CWC27: variants seen among roughly 807,000 people sequenced by gnomAD.
CWC27 encodes the protein CWC27 spliceosome associated cyclophilin, also known as spliceosome-associated protein CWC27 homolog.
Under a neutral mutation model 63.6 loss-of-function variants are expected in CWC27, and 47 were observed. The ratio of observed to expected loss-of-function variants is 0.74; its 90% CI spans 0.58 to 0.94. The LOEUF (loss-of-function observed/expected upper bound fraction) is 0.94, where lower values mean the gene tolerates loss of function less well. Ranked by LOEUF, CWC27 falls within the 40% of genes least tolerant of loss-of-function variation. The pLI is 0.00. For synonymous variants in CWC27, 175 were observed against 179.8 expected (o/e 0.97, Z 0.22); for missense variants, 495 against 554.3 (o/e 0.89, Z 1.07).
chr5:64,791,882 C>T (rs183000484), intron 7 of CWC27, among the ~76,000 whole-genome samples: 12 of 152,154 alleles, frequency 7.9e-5, no homozygotes, highest in Non-Finnish European at 1.6e-4. Context: ...ATTGCACTGT[C>T]CTGGCAATTT....
At chr5:64,961,805 G>A (rs1266098819) in intron 11 of CWC27, among the ~76,000 whole-genome samples, 2 of 152,096 alleles carry the variant, frequency 1.3e-5, no homozygotes, top group Admixed American at 6.5e-5. Context: ...TTCCTCACTT[G>A]TAAAATAGGT....
At chr5:64,932,114 C>A (rs1032287231) in intron 11 of CWC27, among the ~76,000 whole-genome samples, 9 of 152,028 alleles carry the variant, frequency 5.9e-5, no homozygotes, top group Admixed American at 5.9e-4. Flanking sequence ...TTTATTTAAT[C>A]TTTAAAACAA....
intron 9 of CWC27, among the ~76,000 whole-genome samples, chr5:64,802,590 T>C (rs1341834212): frequency 6.6e-6 from 1 of 152,048 alleles, no homozygotes; most frequent in Non-Finnish European, 1.5e-5. Context: ...AGACCACAGC[T>C]GTGAGATGGG....
At chr5:64,846,957 G>GCACTC (rs1323119423) in intron 10 of CWC27, among the ~76,000 whole-genome samples, 1 of 135,186 alleles carries the variant, frequency 7.4e-6, no homozygotes, top group Non-Finnish European at 1.5e-5. Context: ...TCACACCACT[G>GCACTC]CACTCCAGTC....
At chr5:64,856,130 A>G (rs1746252831) in intron 10 of CWC27, among the ~76,000 whole-genome samples, 1 of 152,094 alleles carries the variant, frequency 6.6e-6, no homozygotes, top group South Asian at 2.1e-4. Context: ...TTTAAAGCAG[A>G]TAACTCATTT....
chr5:64,943,563 C>G (rs1003246712), intron 11 of CWC27, among the ~76,000 whole-genome samples: 1 of 152,110 alleles, frequency 6.6e-6, no homozygotes, highest in Admixed American at 6.5e-5. Context: ...TTCATTTATT[C>G]TACAAATACT....
chr5:64,844,668 A>G (rs1580667369), intron 10 of CWC27, among the ~76,000 whole-genome samples: 1 of 152,230 alleles, frequency 6.6e-6, no homozygotes, highest in East Asian at 1.9e-4. Context: ...TAAATGGTCT[A>G]GACTGACTTG....
chr5:64,878,439 C>T (rs1746848375), intron 10 of CWC27, among the ~76,000 whole-genome samples: 1 of 128,102 alleles, frequency 7.8e-6, no homozygotes, highest in Non-Finnish European at 1.6e-5. Flanking sequence ...TTCTAAGCAC[C>T]AGGTAGTCAG....
At chr5:64,793,820 G>T (rs111480016) in intron 7 of CWC27, among the ~76,000 whole-genome samples, 1 of 151,984 alleles carries the variant, frequency 6.6e-6, no homozygotes, top group African/African-American at 2.4e-5. Flanking sequence ...CTTTCTGCCC[G>T]ATCACAAGTT....
intron 11 of CWC27, among the ~76,000 whole-genome samples, chr5:64,942,230 G>A (rs114979992): frequency 0.029 from 4,412 of 151,568 alleles, 228 homozygotes; most frequent in African/African-American, 0.1. Flanking sequence ...TTCGAGACCA[G>A]CCCAGGCAAC....
intron 13 of CWC27, among the ~76,000 whole-genome samples, chr5:64,999,055 T>C (rs1278954432): frequency 6.6e-6 from 1 of 151,990 alleles, no homozygotes; most frequent in South Asian, 2.1e-4. Context: ...AGTGGCCTTA[T>C]TTTCCAGAAC....
intron 13 of CWC27, among the ~76,000 whole-genome samples, chr5:65,009,281 G>A (rs992938861): frequency 1.3e-5 from 2 of 152,088 alleles, no homozygotes; most frequent in Non-Finnish European, 2.9e-5. Flanking sequence ...ATTCATGAGG[G>A]ATCCACCCCC....
At chr5:64,917,484 TG>T (rs1178259958) in intron 11 of CWC27, among the ~76,000 whole-genome samples, 1 of 152,206 alleles carries the variant, frequency 6.6e-6, no homozygotes, top group Non-Finnish European at 1.5e-5. Flanking sequence ...TCAGCTTCAC[TG>T]GGCGATGGGG....
intron 13 of CWC27, among the ~76,000 whole-genome samples, chr5:65,005,985 A>C (rs1749834417): frequency 6.6e-6 from 1 of 152,146 alleles, no homozygotes; most frequent in African/African-American, 2.4e-5. Context: ...ACTGGTTTTG[A>C]TATTTAGTGT....
intron 11 of CWC27, among the ~76,000 whole-genome samples, chr5:64,968,426 T>A (rs1749063001): frequency 6.6e-6 from 1 of 152,060 alleles, no homozygotes; most frequent in South Asian, 2.1e-4. Context: ...CAAACAAACT[T>A]GTGTGTGTAA....
chr5:64,783,759 C>A, intron 3 of CWC27, 77 bp from the exon 4 acceptor site: 1 of 1,253,108 alleles, frequency 8.0e-7, no homozygotes, highest in Non-Finnish European at 1.1e-6. Flanking sequence ...TGTATGGGAC[C>A]TTGCAGGTCA....
At chr5:64,831,425 C>T (rs567984749) in intron 10 of CWC27, among the ~76,000 whole-genome samples, 2 of 151,026 alleles carry the variant, frequency 1.3e-5, no homozygotes, top group East Asian at 3.9e-4. Flanking sequence ...CCTCAGGACC[C>T]TTTACAATCT....
In CWC27 at chr5:64,971,725, T is replaced by C; in HGVS notation, c.1065T>C (p.Gly355=). ...TAGAGGAAGAAGCCCCTCCAGATGG[T>C]GCTGTTGCCGAATACAGAAGAGAAA... ...RSEEEEAPPD[G]AVAEYRREKQ... The change falls in exon 12 of 14, where the codon GGT becomes GGC. Residue 355 remains glycine, a synonymous_variant. Transcript: ENST00000381070. 1.2e-6 allele frequency: 2 copies of C among 1,609,280 alleles called. No individual in the cohort carries two copies. The highest frequency in any genetic ancestry group is 1.3e-5 in the African/African-American group (1 of 74,512).
chr5:64,804,306 C>G lies in CWC27; in HGVS notation c.858C>G (p.Ala286=), dbSNP rs1580620195. 6.2e-7 allele frequency: 1 copy of G among 1,611,828 alleles called. No homozygotes were observed. Among genetic ancestry groups the G allele is most frequent in the Non-Finnish European group, 8.5e-7 (1 of 1,179,056 alleles). ...AGAACCTGATGAGAGAAAGAATTGC[C>G]AAAAAATTAAAAAAGGACACAAGTG... is the stretch of plus-strand genomic sequence containing the variant. ...DEKNLMRERI[A]KKLKKDTSAN... Residue 286 remains alanine (A), a synonymous_variant, in exon 10 of 14, where the codon GCC becomes GCG. Transcript: ENST00000381070.
Sources: allele counts gnomAD v4.1 joint callset (sites outside exome capture counted in the v4.1 genomes callset), GRCh38; gene constraint gnomAD v4.1.1; transcripts MANE v1.5; gene names NCBI Gene and HGNC (gene_info 2026-07-23, HGNC 2026-07-21).